The following SH2B2 variants were observed in gnomAD, a reference collection of about 807,000 sequenced individuals.
SH2B2 encodes the protein SH2B adapter protein 2.
Under a neutral mutation model 35.7 loss-of-function variants are expected in SH2B2, and 37 were observed. The observed-to-expected ratio is 1.04, with a 90% CI of 0.80 to 1.36. The LOEUF (loss-of-function observed/expected upper bound fraction) is 1.36. Ranked by LOEUF, SH2B2 falls within the 40% of genes most tolerant of loss-of-function variation. SH2B2 has a pLI of 0.00. For synonymous variants in SH2B2, 383 were observed against 376.4 expected, an observed-to-expected ratio of 1.02 and a Z score of -0.20; for missense variants, 852 against 817.7, an observed-to-expected ratio of 1.04 and a Z score of -0.51.
In SH2B2 at chr7:102,308,430, C is replaced by T. The variant is rs73712460; in HGVS notation, c.832-385C>T. The stretch of plus-strand genomic sequence containing the variant: ...AGCCCCCCTACTCAGTGTGCTTGGC[C>T]AGCCTGTCTCTCCACTCAACTTGAA... On this transcript the variant is annotated intron_variant, in intron 3 of 8. Coordinates refer to ENST00000444095, the MANE Select transcript of SH2B2 (RefSeq NM_001359228.2). 9.8e-4 allele frequency among the ~76,000 whole-genome samples: 150 copies of T among 152,306 alleles called. 1 individual carries two copies. The highest frequency in any genetic ancestry group is 3.4e-3 in the African/African-American group (143 of 41,562).
intron 7 of SH2B2, among the ~76,000 whole-genome samples, chr7:102,317,825 T>C (rs182889571): frequency 6.6e-6 from 1 of 152,124 alleles, no homozygotes; most frequent in African/African-American, 2.4e-5. Context: ...CCCACCGACC[T>C]CAGACAGCCC....
In SH2B2 at chr7:102,301,015, C is replaced by T. The variant is rs1554553698; in HGVS notation, c.465C>T (p.Arg155=). 2 of 1,402,680 alleles carry T rather than the reference C, an allele frequency of 1.4e-6. No homozygotes were observed. The highest frequency in any genetic ancestry group is 1.5e-5 in the African/African-American group (1 of 65,640). 86.9% of individuals were successfully genotyped at this position (1,402,680 alleles called of 1,614,324 possible). A position where few individuals can be genotyped will look rare whatever the true frequency, so the allele number is the denominator to read the frequency against. ...VDGVRDMWHR[R]ASPEPDAAAA... Reference sequence around the variant, plus strand: ...GCGTGCGCGACATGTGGCACCGGCGCGCCTCGCCCGAGCCCGACGCGGCAG... The same window carrying T: ...GCGTGCGCGACATGTGGCACCGGCGTGCCTCGCCCGAGCCCGACGCGGCAG... Residue 155 remains arginine, a synonymous_variant, in exon 2 of 9, where the codon CGC becomes CGT. Transcript: ENST00000444095.
intron 7 of SH2B2, among the ~76,000 whole-genome samples, chr7:102,318,306 T>C (rs1195810951): frequency 6.6e-6 from 1 of 152,068 alleles, no homozygotes; most frequent in Non-Finnish European, 1.5e-5. Flanking sequence ...ACCTGGCTAA[T>C]TTTTGTATTT....
At chr7:102,313,985 C>T (rs1406306709) in intron 4 of SH2B2, among the ~76,000 whole-genome samples, 2 of 152,128 alleles carry the variant, frequency 1.3e-5, no homozygotes, top group African/African-American at 4.8e-5. Flanking sequence ...TGTGACCCAC[C>T]TTGGGAAAAA....
In SH2B2 at chr7:102,321,304, G is replaced by A. The variant is rs1554558433; in HGVS notation, c.1573G>A (p.Gly525Ser). 1.4e-6 allele frequency: 2 copies of A among 1,402,084 alleles called. No individual in the cohort carries two copies. The highest frequency in any genetic ancestry group is 3.2e-5 in the Admixed American group (1 of 31,072). 86.9% of individuals were successfully genotyped at this position (1,402,084 alleles called of 1,614,324 possible). A position where few individuals can be genotyped will look rare whatever the true frequency, so the allele number is the denominator to read the frequency against. Residue 525 changes from glycine (G) to serine (S), a missense_variant, in exon 9 of 9, where the codon GGC becomes AGC. Gly to Ser is a moderately conservative substitution (Grantham distance 56). This residue lies in a region of SH2B2 where 556 missense variants were observed against 514.5 expected (regional missense o/e 1.08). Transcript: ENST00000444095. ...VRAQDPPPEP[G>S]PTPPAAPASP... ...CTGCCGTCGCCTTGTTGCAGAGCCGGGCCCCACGCCCCCTGCCGCGCCCGC... is the reference window on the plus strand; with the variant it reads ...CTGCCGTCGCCTTGTTGCAGAGCCGAGCCCCACGCCCCCTGCCGCGCCCGC...
In SH2B2 at chr7:102,306,643, A is replaced by G. The variant is rs570503099; in HGVS notation, c.730-78A>G. On this transcript the variant is annotated intron_variant, in intron 2 of 8. Transcript: ENST00000444095. ...GGCAGTCTATTTGAGGGCCACTCTA[A>G]CACCTGGCAGCGGGGAGGGGATGGA... The G allele has an allele frequency of 6.4e-5, 68 of 1,060,976 alleles. No homozygotes were observed. In the East Asian group the frequency reaches 1.8e-3, roughly 27 times the overall value. The allele number at this position is 1,060,976 out of a possible 1,614,324, so 65.7% of individuals were successfully genotyped here. A position where few individuals can be genotyped will look rare whatever the true frequency, so the allele number is the denominator to read the frequency against.
At chr7:102,317,647 G>A (rs1052577653) in intron 7 of SH2B2, among the ~76,000 whole-genome samples, 16 of 152,296 alleles carry the variant, frequency 1.1e-4, no homozygotes, top group South Asian at 1.0e-3. Flanking sequence ...ACCTACTGGC[G>A]GCTGAGCCCT....
At chr7:102,308,984 CTAGCAGG>C (rs1323980338) in intron 4 of SH2B2, 78 bp downstream of exon 4, 2 of 1,150,038 alleles carry the variant, frequency 1.7e-6, no homozygotes, top group African/African-American at 3.0e-5. Context: ...GAGCAGCTTC[CTAGCAGG>C]GCGGGAGCTC....
Position 102,321,496 on chromosome 7 carries a change from C to A in SH2B2, c.1765C>A (p.Gln589Lys). Residue 589 changes from glutamine (Q) to lysine (K), a missense_variant, in exon 9 of 9, where the codon CAG becomes AAG. Around this residue, in one of 3 missense-constraint regions of SH2B2, gnomAD observed 556 missense variants for 514.5 expected, o/e 1.08. Coordinates refer to ENST00000444095, the MANE Select transcript of SH2B2 (RefSeq NM_001359228.2). The stretch of plus-strand genomic sequence containing the variant: ...CGCCCCCCCGCGCCCCGTCGAGGGC[C>A]AGCTCAGCGCGCGGAGCCGCAGCAA... ...GPAPPRPVEGQLSARSRSNSA... is the reference protein window; with the variant it reads ...GPAPPRPVEGKLSARSRSNSA... 1.7e-6 allele frequency: 2 copies of A among 1,161,776 alleles called. No homozygotes were observed. The highest frequency in any genetic ancestry group is 2.1e-6 in the Non-Finnish European group (2 of 942,210). 72.0% of individuals were successfully genotyped at this position (1,161,776 alleles called of 1,614,324 possible). A position where few individuals can be genotyped will look rare whatever the true frequency, so the allele number is the denominator to read the frequency against.
In SH2B2 at chr7:102,321,368, ACTT is replaced by A; in HGVS notation, c.1640_1642del (p.Phe547del). 5 of 1,425,348 alleles carry A rather than the reference ACTT, an allele frequency of 3.5e-6. No individual in the cohort carries two copies. Among genetic ancestry groups the A allele is most frequent in the Non-Finnish European group, 4.6e-6 (5 of 1,093,370 alleles). The allele number at this position is 1,425,348 out of a possible 1,614,324, so 88.3% of individuals were successfully genotyped here. Reference sequence around the variant, plus strand: ...TGGAGCGACTCGCCCGGCCAGCACTACTTCTCCAGCCTCGCCGCGGCCGCCTGC... The same window carrying A: ...TGGAGCGACTCGCCCGGCCAGCACTACTCCAGCCTCGCCGCGGCCGCCTGC... On this transcript the variant is annotated inframe_deletion, in exon 9 of 9. Transcript: ENST00000444095.
intron 1 of SH2B2, among the ~76,000 whole-genome samples, chr7:102,296,894 G>A (rs868982164): frequency 2.6e-5 from 4 of 152,008 alleles, no homozygotes; most frequent in Non-Finnish European, 4.4e-5. Context: ...CGGGAGGATC[G>A]CTTGAGCCCA....
intron 2 of SH2B2, among the ~76,000 whole-genome samples, chr7:102,304,618 G>A (rs1486537649): frequency 2.6e-5 from 4 of 152,254 alleles, no homozygotes; most frequent in African/African-American, 9.6e-5. Context: ...TGGGCACAGT[G>A]CGTTGTGGCT....
At chr7:102,305,072 T>G (rs1554554585) in intron 2 of SH2B2, among the ~76,000 whole-genome samples, 1 of 152,060 alleles carries the variant, frequency 6.6e-6, no homozygotes, top group East Asian at 1.9e-4. Flanking sequence ...CCAGCTCACC[T>G]TGGATCAACC....
upstream of SH2B2, chr7:102,285,294 A>G (rs803075): frequency 0.42 from 615,415 of 1,449,492 alleles, 133,813 homozygotes; most frequent in East Asian, 0.75. Context: ...CCCCTCTCCC[A>G]GGAGGGTGGA....
At chr7:102,289,844 C>T (rs1271669416) in intron 1 of SH2B2, among the ~76,000 whole-genome samples, 3 of 152,178 alleles carry the variant, frequency 2.0e-5, no homozygotes, top group Admixed American at 6.5e-5. Flanking sequence ...GGAACCTCTG[C>T]TCTGCAACCC....
At position 102,321,319 on chromosome 7, in the gene SH2B2, G is replaced by C. The variant is rs1308059114; in HGVS notation, c.1588G>C (p.Ala530Pro). 7.0e-7 allele frequency: 1 copy of C among 1,426,098 alleles called. No individual in the cohort carries two copies. Among genetic ancestry groups the C allele is most frequent in the Non-Finnish European group, 9.1e-7 (1 of 1,095,554 alleles). The allele number at this position is 1,426,098 out of a possible 1,614,324, so 88.3% of individuals were successfully genotyped here. The stretch of plus-strand genomic sequence containing the variant: ...TGCAGAGCCGGGCCCCACGCCCCCT[G>C]CCGCGCCCGCGTCCCCGGCCTGCTG... ...PPPEPGPTPP[A>P]APASPACWSD... Residue 530 changes from alanine (A) to proline (P), a missense_variant, in exon 9 of 9, where the codon GCC becomes CCC. Ala to Pro is a conservative substitution (Grantham distance 27). Transcript: ENST00000444095.
chr7:102,300,701 GCT>G lies in SH2B2; in HGVS notation c.152_153del (p.Ala51ValfsTer207). 6.5e-7 allele frequency: 1 copy of G among 1,542,954 alleles called. No individual in the cohort carries two copies. The highest frequency in any genetic ancestry group is 8.8e-7 in the Non-Finnish European group (1 of 1,141,350). On this transcript the variant is annotated frameshift_variant, in exon 2 of 9. Transcript: ENST00000444095. LOFTEE classifies it high-confidence loss of function. ...CTGCCGTTTCCTGCGGGACAACCCA[GCT>G]TACGACACGCCCGACGCCGGCGCCT... ...KFCRFLRDNP[A>X]YDTPDAGASF...
At chr7:102,314,154 G>A (rs1365365477) in intron 4 of SH2B2, among the ~76,000 whole-genome samples, 182 bp from the exon 5 acceptor site, 2 of 152,152 alleles carry the variant, frequency 1.3e-5, no homozygotes, top group South Asian at 2.1e-4. Context: ...TCAATCACAC[G>A]GTGGCCACAG....
chr7:102,304,848 G>A (rs118054092), intron 2 of SH2B2, among the ~76,000 whole-genome samples: 218 of 152,360 alleles, frequency 1.4e-3, no homozygotes, highest in Middle Eastern at 3.4e-3. Context: ...CCCTGCACGC[G>A]CTGGACAGGG....
Sources: gnomAD v4.1 joint callset for allele counts (sites outside exome capture counted in the v4.1 genomes callset) on GRCh38, gnomAD v4.1.1 for gene constraint, gnomAD v4.1.1 regional missense constraint, MANE v1.5 for transcripts, NCBI Gene and HGNC (gene_info 2026-07-23, HGNC 2026-07-21) for gene names.